The following TNFSF4 variants were observed in gnomAD, a reference collection of about 807,000 sequenced individuals.
TNFSF4 encodes tumor necrosis factor ligand superfamily member 4.
In TNFSF4, 4 loss-of-function variants were observed where a neutral mutation model predicts 7.3. The ratio of observed to expected loss-of-function variants is 0.55; its 90% confidence interval spans 0.27 to 1.25. The LOEUF (loss-of-function observed/expected upper bound fraction) is 1.25. Among genes scored for constraint, TNFSF4 ranks in the 50% most tolerant of loss-of-function variants. The probability of loss-of-function intolerance (pLI) is 0.12; values close to 1 mark genes in which losing one functional copy is unlikely to be tolerated. For missense variants in TNFSF4, 181 were observed against 208.8 expected, an observed-to-expected ratio of 0.87 and a Z score of 0.82; for synonymous variants, 76 against 83.7, an observed-to-expected ratio of 0.91 and a Z score of 0.50.
At chr1:173,398,713 A>T in the TNFSF4 span, among the ~76,000 whole-genome samples, 7 of 152,152 alleles carry the variant, frequency 4.6e-5, no homozygotes, top group Non-Finnish European at 1.0e-4. Flanking sequence ...GGCATGAGCC[A>T]CCGTGCCCAG....
the TNFSF4 span, among the ~76,000 whole-genome samples, chr1:173,226,441 C>A: frequency 6.6e-6 from 1 of 152,284 alleles, no homozygotes; most frequent in South Asian, 2.1e-4. Context: ...CCAGCTTTGA[C>A]TATGCAAATG....
At chr1:173,354,330 G>A in the TNFSF4 span, among the ~76,000 whole-genome samples, 1 of 152,106 alleles carries the variant, frequency 6.6e-6, no homozygotes. Context: ...AATGAGTTCT[G>A]AAATTGAGGC....
At chr1:173,350,960 TGTCTATCTAAAGACTAGA>T in the TNFSF4 span, among the ~76,000 whole-genome samples, 1 of 152,196 alleles carries the variant, frequency 6.6e-6, no homozygotes, top group Non-Finnish European at 1.5e-5. Context: ...AATGACTCTC[TGTCTATCTAAAGACTAGA>T]AAGAAAATCC....
chr1:173,443,491 T>C, the TNFSF4 span, among the ~76,000 whole-genome samples: 1 of 152,182 alleles, frequency 6.6e-6, no homozygotes. Flanking sequence ...ATTTTCAAGA[T>C]ATATTATTAA....
At chr1:173,354,177 C>T in the TNFSF4 span, among the ~76,000 whole-genome samples, 95 of 151,992 alleles carry the variant, frequency 6.3e-4, no homozygotes, top group East Asian at 4.4e-3. Context: ...CTGACCCCAC[C>T]GAAATTCAAA....
At chr1:173,351,772 T>C in the TNFSF4 span, 2 of 578,272 alleles carry the variant, frequency 3.5e-6, no homozygotes, top group Non-Finnish European at 6.3e-6. Context: ...GGTCAGCAAA[T>C]TGGTACAGTA....
At chr1:173,285,898 T>C in the TNFSF4 span, among the ~76,000 whole-genome samples, 1 of 152,170 alleles carries the variant, frequency 6.6e-6, no homozygotes, top group Non-Finnish European at 1.5e-5. Context: ...CTTTGAGGTA[T>C]GCCTATAATT....
At chr1:173,286,953 G>A in the TNFSF4 span, among the ~76,000 whole-genome samples, 6 of 152,140 alleles carry the variant, frequency 3.9e-5, no homozygotes, top group East Asian at 1.2e-3. Flanking sequence ...AATAAAAAAA[G>A]ACATTGAAAT....
At chr1:173,290,489 T>A in the TNFSF4 span, among the ~76,000 whole-genome samples, 1 of 151,974 alleles carries the variant, frequency 6.6e-6, no homozygotes, top group Admixed American at 6.6e-5. Flanking sequence ...TAAAAAACAA[T>A]AAAGAAGGGC....
the TNFSF4 span, among the ~76,000 whole-genome samples, chr1:173,253,420 AG>A: frequency 6.6e-6 from 1 of 152,236 alleles, no homozygotes; most frequent in East Asian, 1.9e-4. Flanking sequence ...GTGCTGGCAA[AG>A]GGTTCTCCTA....
chr1:173,212,246 A>G (rs1048737655), upstream of TNFSF4, among the ~76,000 whole-genome samples: 1 of 152,142 alleles, frequency 6.6e-6, no homozygotes, highest in Non-Finnish European at 1.5e-5. Context: ...ACTTCCCATT[A>G]GGCCCCACTT....
chr1:173,395,858 G>A, the TNFSF4 span, among the ~76,000 whole-genome samples: 1 of 152,024 alleles, frequency 6.6e-6, no homozygotes, highest in African/African-American at 2.4e-5. Context: ...CTACTCCACA[G>A]CAGAACAGCC....
chr1:173,354,772 A>T, the TNFSF4 span, among the ~76,000 whole-genome samples: 7 of 152,308 alleles, frequency 4.6e-5, no homozygotes, highest in South Asian at 2.1e-4. Context: ...AAATTTTTTT[A>T]AAAAGGTTAC....
intron 1 of TNFSF4, among the ~76,000 whole-genome samples, chr1:173,195,846 G>C (rs143904258): frequency 5.9e-5 from 9 of 152,300 alleles, no homozygotes; most frequent in Middle Eastern, 3.4e-3. Flanking sequence ...TGGGCTAGTA[G>C]AGGGTGGTAG....
chr1:173,245,201 T>C, the TNFSF4 span, among the ~76,000 whole-genome samples: 1 of 152,204 alleles, frequency 6.6e-6, no homozygotes, highest in Non-Finnish European at 1.5e-5. Context: ...GACATTACCT[T>C]CTTTTAAAAA....
At chr1:173,265,238 T>C in the TNFSF4 span, among the ~76,000 whole-genome samples, 21 of 151,952 alleles carry the variant, frequency 1.4e-4, no homozygotes, top group Non-Finnish European at 2.4e-4. Context: ...GAGAAAGGAG[T>C]CCAGAATATT....
At chr1:173,338,082 G>A in the TNFSF4 span, among the ~76,000 whole-genome samples, 3 of 152,080 alleles carry the variant, frequency 2.0e-5, no homozygotes, top group Non-Finnish European at 4.4e-5. Flanking sequence ...GCTCACCAAG[G>A]CCTAGCTGAA....
At chr1:173,325,398 C>T in the TNFSF4 span, among the ~76,000 whole-genome samples, 2 of 151,554 alleles carry the variant, frequency 1.3e-5, no homozygotes, top group Admixed American at 6.6e-5. Flanking sequence ...ACTAAATGGC[C>T]CACAAGAGAA....
At chr1:173,220,903 C>CA in the TNFSF4 span, among the ~76,000 whole-genome samples, 3 of 151,288 alleles carry the variant, frequency 2.0e-5, no homozygotes, top group East Asian at 1.9e-4. Flanking sequence ...TCACACTCAC[C>CA]AAAAAAAATA....
Sources: gnomAD v4.1 joint callset for allele counts (sites outside exome capture counted in the v4.1 genomes callset) on GRCh38, gnomAD v4.1.1 for gene constraint, MANE v1.5 for transcripts, NCBI Gene and HGNC (gene_info 2026-07-23, HGNC 2026-07-21) for gene names.